GPM6A: variants seen among roughly 807,000 people sequenced by gnomAD.
The protein encoded by GPM6A is neuronal membrane glycoprotein M6-a.
In GPM6A, 7 loss-of-function variants were observed where a neutral mutation model predicts 32.1. The ratio of observed to expected loss-of-function variants is 0.22; its 90% CI spans 0.12 to 0.41. The LOEUF is 0.41. Among genes scored for constraint, GPM6A ranks in the 10% least tolerant of loss-of-function variants. The pLI, the probability that GPM6A is intolerant of heterozygous loss-of-function variation, is 1.00. For missense variants in GPM6A, 235 were observed against 347.2 expected, an observed-to-expected ratio of 0.68 and a Z score of 2.57; for synonymous variants, 130 against 123.4, an observed-to-expected ratio of 1.05 and a Z score of -0.35.
At chr4:175,813,854 TCTC>T (rs1735020209), upstream of GPM6A, among the ~76,000 whole-genome samples, 1 of 152,244 alleles carries the variant, frequency 6.6e-6, no homozygotes, top group Non-Finnish European at 1.5e-5. Flanking sequence ...GTTATTATTT[TCTC>T]TTTTCAAATG....
chr4:175,878,109 C>T (rs1161821734), intron 1 of GPM6A, among the ~76,000 whole-genome samples: 1 of 152,224 alleles, frequency 6.6e-6, no homozygotes, highest in Non-Finnish European at 1.5e-5. Context: ...TGGGCTCCCA[C>T]AACCTTGGCA....
At chr4:175,946,691 A>G (rs544901857) in intron 1 of GPM6A, among the ~76,000 whole-genome samples, 7 of 152,264 alleles carry the variant, frequency 4.6e-5, no homozygotes, top group Non-Finnish European at 7.4e-5. Flanking sequence ...GCAGCAGCCC[A>G]AGCACTGTGG....
intron 1 of GPM6A, among the ~76,000 whole-genome samples, chr4:175,716,130 G>A (rs536654832): frequency 1.2e-4 from 19 of 152,280 alleles, no homozygotes; most frequent in Non-Finnish European, 2.1e-4. Flanking sequence ...TATCTGACAC[G>A]TAGTAGGTGC....
intron 1 of GPM6A, among the ~76,000 whole-genome samples, chr4:175,732,852 T>A (rs878935894): frequency 6.6e-6 from 1 of 152,200 alleles, no homozygotes; most frequent in African/African-American, 2.4e-5. Context: ...TTGAGGAGAT[T>A]TAACACCTAT....
At chr4:175,803,305 C>G (rs941842026) in intron 1 of GPM6A, among the ~76,000 whole-genome samples, 1 of 152,106 alleles carries the variant, frequency 6.6e-6, no homozygotes, top group East Asian at 1.9e-4. Context: ...GAGAATGGAG[C>G]TACAGCATAA....
At chr4:175,874,165 C>T (rs1737006505) in intron 1 of GPM6A, among the ~76,000 whole-genome samples, 2 of 152,122 alleles carry the variant, frequency 1.3e-5, no homozygotes, top group Non-Finnish European at 2.9e-5. Context: ...CTCAGCCGCA[C>T]ATCTTCATGT....
At chr4:175,679,898 C>T (rs1743585031) in intron 2 of GPM6A, among the ~76,000 whole-genome samples, 2 of 152,148 alleles carry the variant, frequency 1.3e-5, no homozygotes, top group Admixed American at 6.6e-5. Context: ...TAGCAAGATG[C>T]TCCAGGCTCA....
intron 1 of GPM6A, among the ~76,000 whole-genome samples, chr4:175,864,472 C>G (rs1365396083): frequency 6.6e-6 from 1 of 152,046 alleles, no homozygotes; most frequent in Non-Finnish European, 1.5e-5. Context: ...CCATGCCCAG[C>G]TTTTTGCTAA....
At chr4:175,716,904 A>G (rs1339690312) in intron 1 of GPM6A, among the ~76,000 whole-genome samples, 1 of 152,228 alleles carries the variant, frequency 6.6e-6, no homozygotes, top group Non-Finnish European at 1.5e-5. Context: ...AATTCCTGGG[A>G]TATGTGTCTC....
chr4:175,909,519 T>C (rs1738247422), intron 1 of GPM6A, among the ~76,000 whole-genome samples: 1 of 152,146 alleles, frequency 6.6e-6, no homozygotes, highest in Non-Finnish European at 1.5e-5. Flanking sequence ...ACTGACATGA[T>C]AGAAGAATGA....
chr4:175,762,922 A>G (rs983415348), intron 1 of GPM6A, among the ~76,000 whole-genome samples: 5 of 152,148 alleles, frequency 3.3e-5, no homozygotes, highest in African/African-American at 1.2e-4. Flanking sequence ...AGGGAAGGGA[A>G]ATGAGGAATG....
intron 1 of GPM6A, among the ~76,000 whole-genome samples, chr4:175,722,505 C>T (rs540746455): frequency 3.3e-5 from 5 of 152,138 alleles, no homozygotes; most frequent in African/African-American, 4.8e-5. Context: ...AAATCCACCA[C>T]GGATCGCGGC....
intron 1 of GPM6A, among the ~76,000 whole-genome samples, chr4:175,794,762 G>T (rs1427650849): frequency 6.6e-6 from 1 of 152,116 alleles, no homozygotes; most frequent in Non-Finnish European, 1.5e-5. Context: ...TACACATCAC[G>T]TGAGGGCATG....
chr4:175,789,334 T>C lies in GPM6A; in HGVS notation c.37+22857A>G, dbSNP rs149010275. 6.5e-3 allele frequency among the ~76,000 whole-genome samples: 989 copies of C among 152,322 alleles called. 7 individuals are homozygous for C. Among genetic ancestry groups the C allele is most frequent in the African/African-American group, 0.022 (907 of 41,562 alleles). On this transcript the variant is annotated intron_variant, in intron 1 of 6. Coordinates refer to ENST00000393658, the MANE Select transcript of GPM6A (RefSeq NM_201591.3). ...AAACATCCATGTTTGAATTTTAATA[T>C]CAGCACACTAATAAGAAATAATAAA... is the stretch of plus-strand genomic sequence containing the variant.
chr4:175,923,647 A>G (rs777250524), intron 1 of GPM6A, among the ~76,000 whole-genome samples: 4 of 151,822 alleles, frequency 2.6e-5, no homozygotes, highest in African/African-American at 4.8e-5. Context: ...TCTGCCTCCC[A>G]TGCTCAAGTC....
At chr4:175,815,960 G>T (rs1579534684), upstream of GPM6A, among the ~76,000 whole-genome samples, 4 of 151,818 alleles carry the variant, frequency 2.6e-5, no homozygotes, top group South Asian at 8.3e-4. Flanking sequence ...CAGGTGATCC[G>T]CCTACCTCGG....
intron 1 of GPM6A, among the ~76,000 whole-genome samples, chr4:175,721,032 C>T (rs1184819858): frequency 8.4e-6 from 1 of 118,432 alleles, no homozygotes; most frequent in Non-Finnish European, 1.8e-5. Flanking sequence ...TATACTAGTA[C>T]ATATATATTA....
chr4:175,946,753 C>T (rs1004449200), intron 1 of GPM6A, among the ~76,000 whole-genome samples: 2 of 152,152 alleles, frequency 1.3e-5, no homozygotes, highest in East Asian at 1.9e-4. Context: ...AGAGGACAGA[C>T]AATTGGGGCC....
intron 1 of GPM6A, among the ~76,000 whole-genome samples, chr4:175,899,079 T>C (rs17062220): frequency 0.033 from 4,966 of 152,328 alleles, 257 homozygotes; most frequent in African/African-American, 0.11. Context: ...TTTCAGTCCA[T>C]GTTTAGATGC....
Sources: gnomAD v4.1 joint callset for allele counts (sites outside exome capture counted in the v4.1 genomes callset) on GRCh38, gnomAD v4.1.1 for gene constraint, MANE v1.5 for transcripts, NCBI Gene and HGNC (gene_info 2026-07-23, HGNC 2026-07-21) for gene names.